Variants in CDR2 observed in about 807,000 individuals in gnomAD.
CDR2 encodes the protein cerebellar degeneration-related protein 2.
Under a neutral mutation model 48.4 loss-of-function variants are expected in CDR2, and 34 were observed. The ratio of observed to expected loss-of-function variants is 0.70; its 90% CI spans 0.53 to 0.94. The LOEUF (loss-of-function observed/expected upper bound fraction) is 0.94. Ranked by LOEUF, CDR2 falls within the 40% of genes least tolerant of loss-of-function variation. CDR2 has a pLI of 0.00. For missense variants in CDR2, 498 were observed against 549.5 expected, an observed-to-expected ratio of 0.91 and a Z score of 0.94; for synonymous variants, 240 against 219.7, an observed-to-expected ratio of 1.09 and a Z score of -0.82.
At position 22,361,897 on chromosome 16, in the gene CDR2, C is replaced by CT. The variant is rs11303236; in HGVS notation, c.192+3004dup. Among the ~76,000 whole-genome samples the CT allele has an allele frequency of 4.0e-3, 275 of 68,088 alleles. 5 individuals are homozygous for CT. The highest frequency in any genetic ancestry group is 0.013 in the African/African-American group (235 of 17,570). 44.7% of individuals were successfully genotyped at this position (68,088 alleles called of 152,430 possible). A position where few individuals can be genotyped will look rare whatever the true frequency, so the allele number is the denominator to read the frequency against. The stretch of plus-strand genomic sequence containing the variant: ...AATAGTTTTATACATGAATTTTATA[C>CT]TTTTTTTTTTTTTTTTTTTTTTGAG... On this transcript the variant is annotated intron_variant, in intron 2 of 4. Coordinates refer to ENST00000268383, the MANE Select transcript of CDR2 (RefSeq NM_001802.2).
At position 22,349,369 on chromosome 16, in the gene CDR2, G is replaced by C. The variant is rs2048927168; in HGVS notation, c.416C>G (p.Ser139Cys). The C allele has an allele frequency of 6.2e-7, 1 of 1,614,192 alleles. No individual in the cohort carries two copies. Among genetic ancestry groups the C allele is most frequent in the African/African-American group, 1.3e-5 (1 of 75,036 alleles). The stretch of plus-strand genomic sequence containing the variant: ...TCCCGGGCTCCTTCTCCCTTGGCCA[G>C]ATGACTTCAGCTCCTCCACTTGGCT... ...LQSQVEELKSSGQGRRSPGKC... is the reference protein window; with the variant it reads ...LQSQVEELKSCGQGRRSPGKC... Residue 139 changes from serine (S) to cysteine (C), a missense_variant, in exon 4 of 5, where the codon TCT becomes TGT. Transcript: ENST00000268383.
At chr16:22,357,216 T>C (rs1477111048) in intron 2 of CDR2, among the ~76,000 whole-genome samples, 1 of 152,044 alleles carries the variant, frequency 6.6e-6, no homozygotes, top group Non-Finnish European at 1.5e-5. Context: ...ACCAGGCTAA[T>C]TTTTGTATTT....
At position 22,346,907 on chromosome 16, in the gene CDR2, G is replaced by C; in HGVS notation, c.*58C>G. 1 of 1,542,384 alleles carries C rather than the reference G, an allele frequency of 6.5e-7. No individual in the cohort carries two copies. The highest frequency in any genetic ancestry group is 8.8e-7 in the Non-Finnish European group (1 of 1,131,336). On this transcript the variant is annotated 3_prime_UTR_variant, in exon 5 of 5. Transcript: ENST00000268383. ...CTTCAGAGTCTACAAACACTTGTCT[G>C]AATGGGAGAGAGAGGCGATAGGCAA...
chr16:22,362,732 T>G (rs1339864819), intron 2 of CDR2, among the ~76,000 whole-genome samples: 1 of 152,200 alleles, frequency 6.6e-6, no homozygotes, highest in Non-Finnish European at 1.5e-5. Context: ...CTTGACCACG[T>G]AAAACATTTG....
intron 2 of CDR2, 90 bp downstream of exon 2, chr16:22,364,812 A>C: frequency 4.2e-6 from 3 of 707,660 alleles, no homozygotes; most frequent in Non-Finnish European, 7.5e-6. Flanking sequence ...TGCTGCATCT[A>C]ATTGCAAGTG....
At position 22,346,986 on chromosome 16, in the gene CDR2, T is replaced by A. The variant is rs147936806; in HGVS notation, c.1344A>T (p.Arg448=). 17 of 1,610,996 alleles carry A rather than the reference T, an allele frequency of 1.1e-5. No individual in the cohort carries two copies. In the African/African-American group the frequency reaches 2.1e-4, roughly 20 times the overall value. The stretch of plus-strand genomic sequence containing the variant: ...TCAATTAAGAATGAGAGGAGAGTGA[T>A]CGGTATTTTGTTCTCTGTTCATCTA... The part of the protein sequence containing the change: ...QEIDEQRTKY[R]SLSSHS Residue 448 remains arginine, a synonymous_variant, in exon 5 of 5, where the codon CGA becomes CGT. Transcript: ENST00000268383.
At chr16:22,361,356 G>A (rs1473644421) in intron 2 of CDR2, among the ~76,000 whole-genome samples, 1 of 152,228 alleles carries the variant, frequency 6.6e-6, no homozygotes, top group Non-Finnish European at 1.5e-5. Context: ...ATTAAGGAGA[G>A]GGCCCTTATA....
chr16:22,374,337 C>T lies in CDR2; in HGVS notation c.-28G>A, dbSNP rs1463058263. On this transcript the variant is annotated 5_prime_UTR_variant, in exon 1 of 5. Coordinates refer to ENST00000268383, the MANE Select transcript of CDR2 (RefSeq NM_001802.2). ...CGGCTGGGTCTTCTAGGGGCAGCGG[C>T]CCCCGCCGCCGTCCCGCCTCAGCCG... 2 of 1,514,282 alleles carry T rather than the reference C, an allele frequency of 1.3e-6. No individual in the cohort carries two copies. The highest frequency in any genetic ancestry group is 1.4e-5 in the African/African-American group (1 of 69,920). 93.8% of individuals were successfully genotyped at this position (1,514,282 alleles called of 1,614,324 possible).
intron 4 of CDR2, among the ~76,000 whole-genome samples, chr16:22,348,434 C>A (rs1346416783): frequency 6.6e-6 from 1 of 152,122 alleles, no homozygotes; most frequent in Non-Finnish European, 1.5e-5. Context: ...GTGCCTGGGT[C>A]CCAACCCACA....
chr16:22,359,096 C>T (rs970123263), intron 2 of CDR2, among the ~76,000 whole-genome samples: 1 of 152,006 alleles, frequency 6.6e-6, no homozygotes, highest in African/African-American at 2.4e-5. Flanking sequence ...GTTATATATC[C>T]ATACAAATTT....
intron 2 of CDR2, among the ~76,000 whole-genome samples, chr16:22,358,092 T>C (rs1463645089): frequency 6.6e-6 from 1 of 152,174 alleles, no homozygotes; most frequent in Admixed American, 6.5e-5. Context: ...GCTCTCTAAG[T>C]ACGTACTGAT....
chr16:22,372,363 C>G (rs1047684708), intron 1 of CDR2, among the ~76,000 whole-genome samples: 1 of 152,094 alleles, frequency 6.6e-6, no homozygotes, highest in Non-Finnish European at 1.5e-5. Context: ...TGGAAGAGAG[C>G]CATGAAAACA....
chr16:22,347,849 A>T, intron 4 of CDR2, 26 bp from the exon 5 acceptor site: 1 of 1,573,474 alleles, frequency 6.4e-7, no homozygotes, highest in South Asian at 1.2e-5. Context: ...TTGAAAGAAT[A>T]TATTACACAG....
chr16:22,362,198 G>T (rs1033330432), intron 2 of CDR2, among the ~76,000 whole-genome samples: 1 of 152,134 alleles, frequency 6.6e-6, no homozygotes, highest in Non-Finnish European at 1.5e-5. Context: ...ACCGCACCCG[G>T]CTGAATTTTA....
chr16:22,357,286 A>T (rs1400876337), intron 2 of CDR2, among the ~76,000 whole-genome samples: 4 of 152,118 alleles, frequency 2.6e-5, no homozygotes, highest in African/African-American at 9.7e-5. Context: ...TGACCTCAGG[A>T]GATCCACCTG....
In CDR2 at chr16:22,354,192, T is replaced by C. The variant is rs551193322; in HGVS notation, c.193-4343A>G. Among the ~76,000 whole-genome samples, 28 of 152,264 alleles carry C rather than the reference T, an allele frequency of 1.8e-4. No individual in the cohort carries two copies. The South Asian group carries it at 4.6e-3, about 25-fold the overall frequency. Reference sequence around the variant, plus strand: ...CATTTTTAGCAACAAACCCAGGTGATATTAGTACAGGCAGTCCAGAGATCA... The same window carrying C: ...CATTTTTAGCAACAAACCCAGGTGACATTAGTACAGGCAGTCCAGAGATCA... On this transcript the variant is annotated intron_variant, in intron 2 of 4. Transcript: ENST00000268383.
rs1348183033 is a variant in CDR2, at chr16:22,346,863, C to T, written c.*102G>A. 8 of 1,291,230 alleles carry T rather than the reference C, an allele frequency of 6.2e-6. No homozygotes were observed. Among genetic ancestry groups the T allele is most frequent in the African/African-American group, 3.0e-5 (2 of 67,338 alleles). The allele number at this position is 1,291,230 out of a possible 1,614,324, so 80.0% of individuals were successfully genotyped here. On this transcript the variant is annotated 3_prime_UTR_variant, in exon 5 of 5. Transcript: ENST00000268383. ...TAAATAAGCAAAGCAATGAGGCAAA[C>T]GTCATGAGTAACATTAGGCTTCAGA... is the stretch of plus-strand genomic sequence containing the variant.
intron 1 of CDR2, among the ~76,000 whole-genome samples, chr16:22,372,026 A>C (rs951861987): frequency 2.6e-5 from 4 of 152,148 alleles, no homozygotes; most frequent in Non-Finnish European, 4.4e-5. Context: ...GCCTGCCACC[A>C]CACCCACCTA....
chr16:22,373,103 T>C (rs1017867897), intron 1 of CDR2, among the ~76,000 whole-genome samples: 17 of 152,152 alleles, frequency 1.1e-4, no homozygotes, highest in Admixed American at 9.2e-4. Flanking sequence ...CATTACTACC[T>C]CTATTGTGTT....
Sources: allele counts gnomAD v4.1 joint callset (sites outside exome capture counted in the v4.1 genomes callset), GRCh38; gene constraint gnomAD v4.1.1; transcripts MANE v1.5; gene names NCBI Gene and HGNC (gene_info 2026-07-23, HGNC 2026-07-21).